Variants in ANTXR1 observed in about 807,000 individuals in gnomAD.
ANTXR1 encodes the protein ANTXR cell adhesion molecule 1.
A neutral mutation model predicts 78.1 loss-of-function variants in ANTXR1; 19 were observed. That is an observed-to-expected ratio of 0.24 (90% CI 0.17 to 0.36). ANTXR1 has a LOEUF of 0.36. ANTXR1 is among the 10% of genes least tolerant of loss of function. The pLI is 1.00. For synonymous variants in ANTXR1, 273 were observed against 260.5 expected (o/e 1.05, Z -0.46); for missense variants, 518 against 718.6 (o/e 0.72, Z 3.19).
At chr2:69,040,198 T>C in intron 2 of ANTXR1, 83 bp downstream of exon 2, 1 of 1,238,652 alleles carries the variant, frequency 8.1e-7, no homozygotes. Context: ...TATTAATTAC[T>C]ACATACTTTG....
chr2:69,120,393 C>G (rs902148104), intron 10 of ANTXR1, among the ~76,000 whole-genome samples: 1 of 152,146 alleles, frequency 6.6e-6, no homozygotes, highest in African/African-American at 2.4e-5. Context: ...GGGCCGGGTG[C>G]GGTGGCTCAC....
chr2:69,188,317 C>A lies in ANTXR1; in HGVS notation c.1354-5018C>A, dbSNP rs1436993774. On this transcript the variant is annotated intron_variant, in intron 16 of 17. Coordinates refer to ENST00000303714, the MANE Select transcript of ANTXR1 (RefSeq NM_032208.3). ...AACATGGGGATCTCACTGTGTTGTC[C>A]AAGCTGCTCTCAAGTGATCCTCCCA... Among the ~76,000 whole-genome samples the A allele has an allele frequency of 2.0e-5, 3 of 152,098 alleles. No homozygotes were observed. In the East Asian group the frequency reaches 5.8e-4, roughly 29 times the overall value.
At chr2:69,090,759 A>T in intron 8 of ANTXR1, 100 bp from the exon 9 acceptor site, 1 of 1,222,952 alleles carries the variant, frequency 8.2e-7, no homozygotes, top group Non-Finnish European at 1.2e-6. Context: ...AATGTCCTTG[A>T]ACCTTCCTAT....
intron 3 of ANTXR1, among the ~76,000 whole-genome samples, chr2:69,061,028 A>G (rs1451625295): frequency 6.6e-6 from 1 of 152,222 alleles, no homozygotes; most frequent in African/African-American, 2.4e-5. Context: ...GGCACTGTGG[A>G]GAAAAGTCAA....
chr2:69,077,596 G>A (rs1395100047), intron 8 of ANTXR1, 108 bp downstream of exon 8: 4 of 1,171,148 alleles, frequency 3.4e-6, no homozygotes, highest in Non-Finnish European at 5.1e-6. Context: ...TTCTGCTTAA[G>A]AGAACATCAT....
chr2:69,099,610 T>A (rs569785211), intron 9 of ANTXR1, among the ~76,000 whole-genome samples: 2 of 152,362 alleles, frequency 1.3e-5, no homozygotes, highest in East Asian at 3.9e-4. Flanking sequence ...CCATTGTCCA[T>A]CTCTTTCTCT....
chr2:69,033,820 G>A (rs574439004), intron 1 of ANTXR1, among the ~76,000 whole-genome samples: 2 of 152,290 alleles, frequency 1.3e-5, no homozygotes, highest in Admixed American at 1.3e-4. Flanking sequence ...ATTCTAATCT[G>A]TGTGCAAAAG....
chr2:69,191,397 T>C (rs984491026), intron 16 of ANTXR1, among the ~76,000 whole-genome samples: 1 of 152,208 alleles, frequency 6.6e-6, no homozygotes, highest in African/African-American at 2.4e-5. Context: ...ACTGCCCCTA[T>C]ATAAATGCTT....
At chr2:69,230,318 CT>C (rs923548574) in intron 17 of ANTXR1, among the ~76,000 whole-genome samples, 1 of 151,586 alleles carries the variant, frequency 6.6e-6, no homozygotes, top group African/African-American at 2.4e-5. Context: ...ATATTTTTGC[CT>C]TTTTTAGCTA....
rs748449795 is a variant in ANTXR1, at chr2:69,045,529, G to A, written c.296+716G>A. The stretch of plus-strand genomic sequence containing the variant: ...GGCCCACATGAGAGAAGCACCATGG[G>A]GAACACATGTGGGATTATTGGGAGA... On this transcript the variant is annotated intron_variant, in intron 3 of 17. Transcript: ENST00000303714. 7.9e-5 allele frequency among the ~76,000 whole-genome samples: 12 copies of A among 152,194 alleles called. No individual in the cohort carries two copies. In the East Asian group the frequency reaches 1.9e-3, roughly 25 times the overall value.
At chr2:69,090,191 A>C (rs1331215080) in intron 8 of ANTXR1, among the ~76,000 whole-genome samples, 1 of 151,966 alleles carries the variant, frequency 6.6e-6, no homozygotes, top group Non-Finnish European at 1.5e-5. Context: ...TCATCTGACT[A>C]TGCAGCTTCT....
chr2:69,233,509 G>T (rs983712360), intron 17 of ANTXR1, among the ~76,000 whole-genome samples: 12 of 151,858 alleles, frequency 7.9e-5, no homozygotes, highest in Non-Finnish European at 1.8e-4. Flanking sequence ...GATTCTGATA[G>T]AATTTAAAAT....
At chr2:69,158,425 A>T (rs1223854569) in intron 13 of ANTXR1, among the ~76,000 whole-genome samples, 3 of 152,234 alleles carry the variant, frequency 2.0e-5, no homozygotes, top group Non-Finnish European at 4.4e-5. Context: ...GGGGAGGATC[A>T]GCTGCTATCT....
chr2:69,172,308 C>T (rs370812906), intron 14 of ANTXR1: 7 of 1,420,874 alleles, frequency 4.9e-6, no homozygotes, highest in Non-Finnish European at 7.0e-6. Context: ...ATTGCCTTAG[C>T]GTGTGTGTTG....
intron 2 of ANTXR1, 46 bp downstream of exon 2, chr2:69,040,161 A>T: frequency 6.6e-7 from 1 of 1,509,896 alleles, no homozygotes; most frequent in Non-Finnish European, 9.2e-7. Flanking sequence ...CTCTGTCATG[A>T]GTCAAACTAG....
chr2:69,082,333 C>T lies in ANTXR1; in HGVS notation c.642+4845C>T, dbSNP rs187303286. Among the ~76,000 whole-genome samples, 10 of 152,310 alleles carry T rather than the reference C, an allele frequency of 6.6e-5. No homozygotes were observed. In the South Asian group the frequency reaches 1.0e-3, roughly 16 times the overall value. On this transcript the variant is annotated intron_variant, in intron 8 of 17. Transcript: ENST00000303714. ...CACAGGACTCTACCTCTGAGCACCA[C>T]GACAGTTTTCCCACTCGCTTCTGCA...
chr2:69,124,408 C>T (rs190268442), intron 11 of ANTXR1, among the ~76,000 whole-genome samples, 157 bp from the exon 12 acceptor site: 2 of 152,284 alleles, frequency 1.3e-5, no homozygotes, highest in East Asian at 1.9e-4. Context: ...CGACATTTTA[C>T]AAAAGAGGAA....
chr2:69,177,844 G>T (rs927483767), intron 14 of ANTXR1, among the ~76,000 whole-genome samples: 2 of 152,154 alleles, frequency 1.3e-5, no homozygotes, highest in Non-Finnish European at 2.9e-5. Context: ...GGGATTGGGG[G>T]TCGTAGCTGT....
intron 12 of ANTXR1, among the ~76,000 whole-genome samples, chr2:69,143,966 A>G (rs1316511065): frequency 6.6e-6 from 1 of 152,230 alleles, no homozygotes; most frequent in Non-Finnish European, 1.5e-5. Flanking sequence ...ATAACAGAAT[A>G]TATAAACTCT....
Sources: allele counts gnomAD v4.1 joint callset (sites outside exome capture counted in the v4.1 genomes callset), GRCh38; gene constraint gnomAD v4.1.1; transcripts MANE v1.5; gene names NCBI Gene and HGNC (gene_info 2026-07-23, HGNC 2026-07-21).